Variants in DPAGT1 observed in about 807,000 individuals in gnomAD.
DPAGT1 encodes the protein UDP-N-acetylglucosamine--dolichyl-phosphate N-acetylglucosaminephosphotransferase.
In DPAGT1, 25 loss-of-function variants were observed where a neutral mutation model predicts 39.3. The observed-to-expected ratio is 0.64, with a 90% CI of 0.46 to 0.89. The LOEUF (loss-of-function observed/expected upper bound fraction) is 0.89, where lower values mean the gene tolerates loss of function less well. Ranked by LOEUF, DPAGT1 falls within the 40% of genes least tolerant of loss-of-function variation. The pLI, the probability that DPAGT1 is intolerant of heterozygous loss-of-function variation, is 0.00. For missense variants in DPAGT1, 381 were observed against 500.6 expected (o/e 0.76, Z 2.28); for synonymous variants, 193 against 201.4 (o/e 0.96, Z 0.36).
downstream of DPAGT1, chr11:119,096,427 G>A (rs1946395768): frequency 1.2e-5 from 2 of 172,434 alleles, no homozygotes; most frequent in East Asian, 1.6e-4. Context: ...AGAGAGATAG[G>A]CATCCTGTTG....
rs746640458 is a variant in DPAGT1 at position 119,100,327 on chromosome 11, A to G, written c.578T>C (p.Leu193Pro). Residue 193 changes from leucine to proline, a missense_variant, in exon 4 of 9, where the codon CTA becomes CCA. By Grantham distance (98) the Leu-to-Pro change is moderately conservative. Transcript: ENST00000354202. ...AINILAGINGLEAGQSLVISA... is the reference protein window; with the variant it reads ...AINILAGINGPEAGQSLVISA... ...AATGACTAGTGACTGGCCAGCCTCT[A>G]GGCCGTTAATTCCTGCTAGGATATT... is the stretch of plus-strand genomic sequence containing the variant. The G allele has an allele frequency of 5.6e-6, 9 of 1,614,236 alleles. No individual in the cohort carries two copies. The South Asian group carries it at 9.9e-5, about 18-fold the overall frequency.
At chr11:119,095,980 T>C (rs1946385174), downstream of DPAGT1, among the ~76,000 whole-genome samples, 1 of 152,162 alleles carries the variant, frequency 6.6e-6, no homozygotes, top group Admixed American at 6.5e-5. Context: ...CTTTTTTTAA[T>C]AGACCGGGTG....
rs780516960 is a variant in DPAGT1, at chr11:119,097,944, T to C, written c.828A>G (p.Leu276=). 79 of 1,614,060 alleles carry C rather than the reference T, an allele frequency of 4.9e-5. No homozygotes were observed. The highest frequency in any genetic ancestry group is 6.6e-5 in the Non-Finnish European group (78 of 1,180,046). The change falls in exon 6 of 9, where the codon CTA becomes CTG. Residue 276 remains leucine (L), a synonymous_variant. Coordinates refer to ENST00000354202, the MANE Select transcript of DPAGT1 (RefSeq NM_001382.4). This position sits in a 1 kb window ranked among gnomAD's most constrained non-coding sequence, Gnocchi z 4.6. ...TGAACACCTGGGGCATGAAGAATAG[T>C]AGCATGGTCTTGCTGAAGTGTCCCA... The part of the protein sequence containing the change: ...GILGHFSKTM[L]LFFMPQVFNF...
downstream of DPAGT1, chr11:119,094,017 T>C (rs1472129084): frequency 6.5e-6 from 1 of 152,824 alleles, no homozygotes; most frequent in African/African-American, 2.4e-5. Context: ...AACCGACTTG[T>C]GCTGGTATCT....
At position 119,101,043 on chromosome 11, in the gene DPAGT1, T is replaced by A. The variant is rs751806317; in HGVS notation, c.257A>T (p.Gln86Leu). The change falls in exon 2 of 9, where the codon CAG becomes CTG. Residue 86 changes from glutamine (Q) to leucine (L), a missense_variant. Coordinates refer to ENST00000354202, the MANE Select transcript of DPAGT1 (RefSeq NM_001382.4). ...FPFLNCFVKE[Q>L]CKAFPHHEFV... is the part of the protein sequence containing the mutation. ...TTCATGGTGGGGGAATGCCTTACACTGCTCCTTCACAAAGCAGTTCAGGAA... is the reference window on the plus strand; with the variant it reads ...TTCATGGTGGGGGAATGCCTTACACAGCTCCTTCACAAAGCAGTTCAGGAA... The A allele has an allele frequency of 1.9e-6, 3 of 1,613,952 alleles. No individual in the cohort carries two copies. The African/African-American group carries it at 4.0e-5, about 22-fold the overall frequency.
chr11:119,098,592 C>T, intron 4 of DPAGT1, 105 bp from the exon 5 acceptor site: 1 of 1,114,266 alleles, frequency 9.0e-7, no homozygotes, highest in Middle Eastern at 2.1e-4. Context: ...TCATCCACCT[C>T]ACCCAAGTCA....
At chr11:119,095,806 T>G (rs1432128132), downstream of DPAGT1, among the ~76,000 whole-genome samples, 1 of 152,098 alleles carries the variant, frequency 6.6e-6, no homozygotes, top group Non-Finnish European at 1.5e-5. Flanking sequence ...CTGGGAAATC[T>G]GTGCCGGCGT....
chr11:119,097,784 A>G lies in DPAGT1; in HGVS notation c.917+71T>C. 6.2e-7 allele frequency: 1 copy of G among 1,600,388 alleles called. No homozygotes were observed. The highest frequency in any genetic ancestry group is 1.1e-5 in the South Asian group (1 of 90,630). On this transcript the variant is annotated intron_variant, in intron 6 of 8. Transcript: ENST00000354202. This position sits in a 1 kb window ranked among gnomAD's most constrained non-coding sequence, Gnocchi z 4.6. ...TGGGCCCACTCCCTTTGCACAGCAA[A>G]TGTATAGGCTGGCATTAGATATCCC...
At chr11:119,095,065 G>A (rs759159397), downstream of DPAGT1, 10 of 1,613,848 alleles carry the variant, frequency 6.2e-6, no homozygotes, top group Admixed American at 1.7e-4. Flanking sequence ...CCTGGATGTT[G>A]GGCAGGACGC....
chr11:119,098,301 G>C (rs1401244239), intron 5 of DPAGT1, 102 bp downstream of exon 5: 3 of 1,313,600 alleles, frequency 2.3e-6, no homozygotes, highest in Non-Finnish European at 3.3e-6. Context: ...ACTCCATAGA[G>C]GTATGCGCAG....
intron 1 of DPAGT1, 42 bp downstream of exon 1, chr11:119,101,453 T>TA: frequency 6.2e-7 from 1 of 1,613,784 alleles, no homozygotes; most frequent in Non-Finnish European, 8.5e-7. Context: ...CACTCCTTCC[T>TA]TAGCCCTTGC....
In DPAGT1 at chr11:119,101,671, G is replaced by A. The variant is rs1946513260; in HGVS notation, c.-16C>T. The A allele has an allele frequency of 1.9e-6, 3 of 1,614,190 alleles. No individual in the cohort carries two copies. Among genetic ancestry groups the A allele is most frequent in the Non-Finnish European group, 1.7e-6 (2 of 1,180,012 alleles). ...AGGCCCACATGGTGACCGGTCAGGG[G>A]CCCGGCTCCGCCGCCTCTTCAGGTA... is the stretch of plus-strand genomic sequence containing the variant. On this transcript the variant is annotated 5_prime_UTR_variant, in exon 1 of 9. Transcript: ENST00000354202.
chr11:119,096,950 A>T lies in DPAGT1; in HGVS notation c.*48T>A. The T allele has an allele frequency of 6.2e-7, 1 of 1,608,262 alleles. No homozygotes were observed. On this transcript the variant is annotated 3_prime_UTR_variant, in exon 9 of 9. Coordinates refer to ENST00000354202, the MANE Select transcript of DPAGT1 (RefSeq NM_001382.4). Reference sequence around the variant, plus strand: ...GGGACCAGAGAGAGAGGTCAGCCTGAGTCAGGAATCCTAGAGACTGTGAGG... The same window carrying T: ...GGGACCAGAGAGAGAGGTCAGCCTGTGTCAGGAATCCTAGAGACTGTGAGG...
downstream of DPAGT1, chr11:119,095,495 T>C: frequency 7.7e-7 from 1 of 1,294,542 alleles, no homozygotes; most frequent in Non-Finnish European, 1.0e-6. Context: ...GCCGCCTTTA[T>C]AAGCCCCCAG....
In DPAGT1 at chr11:119,097,001, G is replaced by A. The variant is rs200588529; in HGVS notation, c.1224C>T (p.Val408=). 1.9e-6 allele frequency: 3 copies of A among 1,614,054 alleles called. No individual in the cohort carries two copies. Among genetic ancestry groups the A allele is most frequent in the Non-Finnish European group, 2.5e-6 (3 of 1,180,034 alleles). ...TAAAGGACAATGATCAAGGGACTCA[G>A]ACATCATAGAAGAGTCGAACGAGCT... ...RYQLVRLFYD[V] Residue 408 remains valine, a synonymous_variant, in exon 9 of 9, where the codon GTC becomes GTT. Coordinates refer to ENST00000354202, the MANE Select transcript of DPAGT1 (RefSeq NM_001382.4). The surrounding 1 kb of genome is among the most constrained non-coding windows in gnomAD (Gnocchi z 4.6).
downstream of DPAGT1, chr11:119,095,004 A>G: frequency 6.2e-7 from 1 of 1,612,726 alleles, no homozygotes; most frequent in Non-Finnish European, 8.5e-7. Context: ...TTGCCGCCCG[A>G]GGGCGCCTTC....
At chr11:119,096,011 G>A (rs190772614), downstream of DPAGT1, among the ~76,000 whole-genome samples, 2 of 152,142 alleles carry the variant, frequency 1.3e-5, no homozygotes, top group Non-Finnish European at 2.9e-5. Context: ...TGTCACCCAG[G>A]CTGGAGTGCA....
rs1332986834 is a variant in DPAGT1 at position 119,097,734 on chromosome 11, T to C, written c.917+121A>G. On this transcript the variant is annotated intron_variant, in intron 6 of 8. Transcript: ENST00000354202. The surrounding 1 kb of genome is among the most constrained non-coding windows in gnomAD (Gnocchi z 4.6). Reference sequence around the variant, plus strand: ...ATGTGCTTTGTAAGTTATAAAGGGCTACTCACATGGAAATAGCCCTTCTTT... The same window carrying C: ...ATGTGCTTTGTAAGTTATAAAGGGCCACTCACATGGAAATAGCCCTTCTTT... 1 of 1,471,440 alleles carries C rather than the reference T, an allele frequency of 6.8e-7. No individual in the cohort carries two copies. Among genetic ancestry groups the C allele is most frequent in the Non-Finnish European group, 9.5e-7 (1 of 1,054,034 alleles). 91.1% of individuals were successfully genotyped at this position (1,471,440 alleles called of 1,614,324 possible).
downstream of DPAGT1, chr11:119,094,947 C>G: frequency 6.3e-7 from 1 of 1,585,266 alleles, no homozygotes; most frequent in Non-Finnish European, 8.6e-7. Flanking sequence ...GGCGGCCGGC[C>G]GCGGCGCGGG....
Sources: allele counts gnomAD v4.1 joint callset (sites outside exome capture counted in the v4.1 genomes callset), GRCh38; gene constraint gnomAD v4.1.1; non-coding constraint Gnocchi (gnomAD v3.1); transcripts MANE v1.5; gene names NCBI Gene and HGNC (gene_info 2026-07-23, HGNC 2026-07-21).